PCDHGB1: variants seen among roughly 807,000 people sequenced by gnomAD.
PCDHGB1 encodes the protein protocadherin gamma subfamily B, 1, also known as protocadherin gamma-B1.
A neutral mutation model predicts 56.6 loss-of-function variants in PCDHGB1; 34 were observed. The observed-to-expected ratio is 0.60, with a 90% CI of 0.46 to 0.80. The LOEUF is 0.80. Ranked by LOEUF, PCDHGB1 falls within the 30% of genes least tolerant of loss-of-function variation. The pLI is 0.00. For missense variants in PCDHGB1, 1,278 were observed against 1,204.6 expected (o/e 1.06, Z -0.90); for synonymous variants, 561 against 505.9 (o/e 1.11, Z -1.46).
At chr5:141,424,748 A>G (rs1218712198) in intron 1 of PCDHGB1, 3 of 152,034 alleles carry the variant, frequency 2.0e-5, no homozygotes, top group African/African-American at 4.8e-5. Flanking sequence ...TTCTTTCTTT[A>G]TAAGGTCATT....
chr5:141,355,895 T>C (rs1760035586), intron 1 of PCDHGB1: 1 of 1,613,662 alleles, frequency 6.2e-7, no homozygotes. Flanking sequence ...CTCATAATAC[T>C]TGTGGATACC....
chr5:141,393,300 G>T (rs1357517904), intron 1 of PCDHGB1: 2 of 1,613,882 alleles, frequency 1.2e-6, no homozygotes, highest in Non-Finnish European at 1.7e-6. Context: ...CCCGGATGTG[G>T]GCGTGAACTC....
chr5:141,356,479 C>G, intron 1 of PCDHGB1: 1 of 1,613,936 alleles, frequency 6.2e-7, no homozygotes. Context: ...TGCCACTGAC[C>G]AGGGAACTCC....
intron 1 of PCDHGB1, chr5:141,394,431 C>G: frequency 1.2e-6 from 2 of 1,614,252 alleles, no homozygotes; most frequent in Non-Finnish European, 1.7e-6. Context: ...CAGCGGGGAC[C>G]CGCCCCTCAG....
At chr5:141,504,529 G>A (rs1333393859) in intron 2 of PCDHGB1, among the ~76,000 whole-genome samples, 1 of 151,900 alleles carries the variant, frequency 6.6e-6, no homozygotes, top group African/African-American at 2.4e-5. Context: ...TATTTTATTC[G>A]TGTCATCATG....
intron 1 of PCDHGB1, chr5:141,404,037 A>T: frequency 6.2e-7 from 1 of 1,613,888 alleles, no homozygotes; most frequent in East Asian, 2.2e-5. Context: ...GACGCACCTC[A>T]GGGAACAGTA....
At chr5:141,398,284 G>A (rs1462851627) in intron 1 of PCDHGB1, 1 of 1,400,106 alleles carries the variant, frequency 7.1e-7, no homozygotes, top group Non-Finnish European at 9.8e-7. Flanking sequence ...CCTCGCCACG[G>A]ACCTGGGGTT....
At chr5:141,355,369 C>G in intron 1 of PCDHGB1, 1 of 1,614,040 alleles carries the variant, frequency 6.2e-7, no homozygotes, top group African/African-American at 1.3e-5. Context: ...GTTGGCGCCC[C>G]GGGAGCTGGC....
intron 1 of PCDHGB1, chr5:141,387,711 C>T: frequency 9.6e-7 from 1 of 1,041,396 alleles, no homozygotes; most frequent in Non-Finnish European, 1.4e-6. Flanking sequence ...GCAGCCCCAG[C>T]TCAGACTCCC....
At chr5:141,475,046 T>C (rs1430484084) in intron 1 of PCDHGB1, among the ~76,000 whole-genome samples, 1 of 152,274 alleles carries the variant, frequency 6.6e-6, no homozygotes, top group African/African-American at 2.4e-5. Context: ...CTTTGTATTT[T>C]CTAAAGATTT....
rs1356357111 is a variant in PCDHGB1 at position 141,370,808 on chromosome 5, T to C, written c.2409+18139T>C. 2.5e-6 allele frequency: 4 copies of C among 1,613,950 alleles called. No individual in the cohort carries two copies. The African/African-American group carries it at 5.3e-5, about 22-fold the overall frequency. On this transcript the variant is annotated intron_variant, in intron 1 of 3. Coordinates refer to ENST00000523390, the MANE Select transcript of PCDHGB1 (RefSeq NM_018922.3). ...CACCGACCTTTAGCCAAAATATCAC[T>C]GAGCTGGAAATCAGCGAACTGGCTC...
Position 141,378,904 on chromosome 5 carries a change from T to C in PCDHGB1, c.2409+26235T>C, listed in dbSNP as rs947498432. 2.0e-5 allele frequency: 3 copies of C among 152,224 alleles called. 1 individual carries two copies. Among genetic ancestry groups the C allele is most frequent in the Non-Finnish European group, 4.4e-5 (3 of 68,030 alleles). 9.4% of individuals were successfully genotyped at this position (152,224 alleles called of 1,614,324 possible). A position where few individuals can be genotyped will look rare whatever the true frequency, so the allele number is the denominator to read the frequency against. ...ACTAAGGAGATAGGAGATTCTGTTA[T>C]CGACAGTCTTCAAAAGTAAGTTGAT... On this transcript the variant is annotated intron_variant, in intron 1 of 3. Transcript: ENST00000523390.
At chr5:141,434,608 C>T (rs142418557) in intron 1 of PCDHGB1, among the ~76,000 whole-genome samples, 1,532 of 152,226 alleles carry the variant, frequency 0.01, 34 homozygotes, top group African/African-American at 0.034. Flanking sequence ...CCTTTATTTC[C>T]GCCCATCTCT....
intron 1 of PCDHGB1, chr5:141,393,857 C>G (rs753457502): frequency 6.8e-6 from 11 of 1,613,978 alleles, no homozygotes; most frequent in Non-Finnish European, 9.3e-6. Flanking sequence ...CAGAAGTGAT[C>G]ATTACGTCTT....
At position 141,477,961 on chromosome 5, in the gene PCDHGB1, C is replaced by G. The variant is rs199947431; in HGVS notation, c.2410-16846C>G. On this transcript the variant is annotated intron_variant, in intron 1 of 3. Transcript: ENST00000523390. The surrounding 1 kb of genome is among the most constrained non-coding windows in gnomAD (Gnocchi z 4.9). ...CCTACAGTCTCTTGGGATCCCCTAA[C>G]CAGAGCCTTTTTGCCATAGGGCTGC... 10 of 1,614,166 alleles carry G rather than the reference C, an allele frequency of 6.2e-6. No individual in the cohort carries two copies. Among genetic ancestry groups the G allele is most frequent in the Middle Eastern group, 3.3e-4 (2 of 6,062 alleles).
At position 141,355,808 on chromosome 5, in the gene PCDHGB1, A is replaced by G. The variant is rs533937335; in HGVS notation, c.2409+3139A>G. The stretch of plus-strand genomic sequence containing the variant: ...GTGCTGGAACGCGCTCTAGATCGCG[A>G]GGAAGAGGCGGTTCACCACCTCGTT... On this transcript the variant is annotated intron_variant, in intron 1 of 3. Coordinates refer to ENST00000523390, the MANE Select transcript of PCDHGB1 (RefSeq NM_018922.3). 7 of 1,613,360 alleles carry G rather than the reference A, an allele frequency of 4.3e-6. No homozygotes were observed. The South Asian group carries it at 6.6e-5, about 15-fold the overall frequency.
intron 1 of PCDHGB1, chr5:141,362,081 G>A: frequency 6.2e-7 from 1 of 1,613,190 alleles, no homozygotes; most frequent in Non-Finnish European, 8.5e-7. Flanking sequence ...GTGCGTGATG[G>A]AGGACAGCCG....
Position 141,399,593 on chromosome 5 carries a change from C to A in PCDHGB1, c.2409+46924C>A, listed in dbSNP as rs201515317. 170 of 1,613,988 alleles carry A rather than the reference C, an allele frequency of 1.1e-4. 1 individual carries two copies. The African/African-American group carries it at 1.5e-3, about 14-fold the overall frequency. On this transcript the variant is annotated intron_variant, in intron 1 of 3. Coordinates refer to ENST00000523390, the MANE Select transcript of PCDHGB1 (RefSeq NM_018922.3). Reference sequence around the variant, plus strand: ...GGCCAAGTCTCCTACTCTATCATGGCCAGCGACCTAGAGCCTCTGGCACTG... The same window carrying A: ...GGCCAAGTCTCCTACTCTATCATGGACAGCGACCTAGAGCCTCTGGCACTG...
intron 1 of PCDHGB1, among the ~76,000 whole-genome samples, chr5:141,381,815 T>A (rs1721316177): frequency 7.0e-6 from 1 of 142,092 alleles, no homozygotes; most frequent in South Asian, 2.2e-4. Flanking sequence ...TTTCTTTCTT[T>A]CTTTCTTCTT....
Sources: gnomAD v4.1 joint callset for allele counts (sites outside exome capture counted in the v4.1 genomes callset) on GRCh38, gnomAD v4.1.1 for gene constraint, Gnocchi (gnomAD v3.1) non-coding constraint, MANE v1.5 for transcripts, NCBI Gene and HGNC (gene_info 2026-07-23, HGNC 2026-07-21) for gene names.